The following VENTX variants were observed in gnomAD, a reference collection of about 807,000 sequenced individuals.
VENTX encodes the protein homeobox protein VENTX.
VENTX carries 13 observed loss-of-function variants against 10.5 expected under a neutral mutation model. The ratio of observed to expected loss-of-function variants is 1.23; its 90% confidence interval spans 0.80 to 1.96. The LOEUF is 1.96. Ranked by LOEUF, VENTX falls within the 30% of genes most tolerant of loss-of-function variation. VENTX has a pLI of 0.00. For synonymous variants in VENTX, 177 were observed against 150.4 expected (o/e 1.18, Z -1.29); for missense variants, 400 against 341.8 (o/e 1.17, Z -1.34).
intron 1 of VENTX, 50 bp downstream of exon 1, chr10:133,238,205 G>C (rs774391910): frequency 1.2e-5 from 19 of 1,528,696 alleles, no homozygotes; most frequent in Middle Eastern, 2.0e-4. Flanking sequence ...AGATGGGAGT[G>C]GGGGAGAGGC....
At position 133,238,174 on chromosome 10, in the gene VENTX, G is replaced by GC. The variant is rs773517388; in HGVS notation, c.241+19_241+20insC. ...ATGGCCGGTAGGTCCGGGTGGGGGG[G>GC]GTCCCTTCCTTCCCAGGTGGAGATG... is the stretch of plus-strand genomic sequence containing the variant. On this transcript the variant is annotated intron_variant, in intron 1 of 2. Transcript: ENST00000325980. 1.3e-6 allele frequency: 2 copies of GC among 1,570,870 alleles called. No homozygotes were observed.
intron 1 of VENTX, 87 bp from the exon 2 acceptor site, chr10:133,239,589 C>G: frequency 6.6e-7 from 1 of 1,507,460 alleles, no homozygotes; most frequent in Non-Finnish European, 9.0e-7. Context: ...CAGCCCCCAG[C>G]ATGGCTGTCT....
At chr10:133,239,857 TGGGGTGGGCA>T (rs752569988) in intron 2 of VENTX, 21 bp downstream of exon 2, 172 of 469,680 alleles carry the variant, frequency 3.7e-4, no homozygotes, top group Non-Finnish European at 5.5e-4. Context: ...CCGGGCAGGC[TGGGGTGGGCA>T]GGGGTGGGCA....
At position 133,241,340 on chromosome 10, in the gene VENTX, AC is replaced by A. The variant is rs1845932288; in HGVS notation, c.*1036del. On this transcript the variant is annotated 3_prime_UTR_variant, in exon 3 of 3. Transcript: ENST00000325980. ...GGTCCCCACCCTCCAACACGTGCTCACCTGTCCCCCTGCTCGCAGCAGCCTC... is the reference window on the plus strand; with the variant it reads ...GGTCCCCACCCTCCAACACGTGCTCACTGTCCCCCTGCTCGCAGCAGCCTC... The A allele has an allele frequency of 6.5e-6, 1 of 153,104 alleles. No homozygotes were observed. Among genetic ancestry groups the A allele is most frequent in the Non-Finnish European group, 1.5e-5 (1 of 68,206 alleles). 9.5% of individuals were successfully genotyped at this position (153,104 alleles called of 1,614,324 possible). A position where few individuals can be genotyped will look rare whatever the true frequency, so the allele number is the denominator to read the frequency against.
rs1845926803 is a variant in VENTX, at chr10:133,240,817, A to C, written c.*511A>C. On this transcript the variant is annotated 3_prime_UTR_variant, in exon 3 of 3. Transcript: ENST00000325980. ...CTCGGCCTCCCAAAGTGCTGGGATT[A>C]CAGGCATGAGCCACTGCACCCGGCC... 1 of 152,066 alleles carries C rather than the reference A, an allele frequency of 6.6e-6. No homozygotes were observed. The highest frequency in any genetic ancestry group is 1.5e-5 in the Non-Finnish European group (1 of 68,040). 9.4% of individuals were successfully genotyped at this position (152,066 alleles called of 1,614,324 possible). A position where few individuals can be genotyped will look rare whatever the true frequency, so the allele number is the denominator to read the frequency against.
intron 1 of VENTX, among the ~76,000 whole-genome samples, 194 bp from the exon 2 acceptor site, chr10:133,239,482 C>T (rs140907052): frequency 0.032 from 4,820 of 152,268 alleles, 99 homozygotes; most frequent in South Asian, 0.1. Flanking sequence ...CATTCCCTCC[C>T]CTCTTGAGCC....
chr10:133,240,732 A>T lies in VENTX; in HGVS notation c.*426A>T, dbSNP rs1429927172. 6.6e-6 allele frequency: 1 copy of T among 151,774 alleles called. No homozygotes were observed. Among genetic ancestry groups the T allele is most frequent in the Non-Finnish European group, 1.5e-5 (1 of 67,978 alleles). The allele number at this position is 151,774 out of a possible 1,614,324, so 9.4% of individuals were successfully genotyped here. ...CTAATTTTTTCTATTTTTAGTAGAA[A>T]TGGGGTTTCACCATGTTAGCCAGGC... On this transcript the variant is annotated 3_prime_UTR_variant, in exon 3 of 3. Coordinates refer to ENST00000325980, the MANE Select transcript of VENTX (RefSeq NM_014468.4).
Position 133,239,921 on chromosome 10 carries a change from T to G in VENTX, c.403-11T>G. 2.5e-6 allele frequency: 4 copies of G among 1,610,888 alleles called. No individual in the cohort carries two copies. The South Asian group carries it at 4.4e-5, about 18-fold the overall frequency. ...AGTCTCACCCCTGTTCTGATCTTGCTTTTCCTACAGATAAAAACCTGGTTT... is the reference window on the plus strand; with the variant it reads ...AGTCTCACCCCTGTTCTGATCTTGCGTTTCCTACAGATAAAAACCTGGTTT... On this transcript the variant is annotated splice_polypyrimidine_tract_variant and intron_variant, in intron 2 of 2. Transcript: ENST00000325980.
In VENTX at chr10:133,239,786, C is replaced by G. The variant is rs774865089; in HGVS notation, c.352C>G (p.Pro118Ala). ...GVFQHHQYLS[P>A]LERKRLAREM... ...CTTCCAGCACCACCAGTACCTGAGC[C>G]CTCTGGAGCGGAAGAGGCTGGCCAG... is the stretch of plus-strand genomic sequence containing the variant. Residue 118 changes from proline (P) to alanine (A), a missense_variant, in exon 2 of 3, where the codon CCT (proline) becomes GCT (alanine). Coordinates refer to ENST00000325980, the MANE Select transcript of VENTX (RefSeq NM_014468.4). 4 of 1,611,632 alleles carry G rather than the reference C, an allele frequency of 2.5e-6. No homozygotes were observed. Among genetic ancestry groups the G allele is most frequent in the Non-Finnish European group, 3.4e-6 (4 of 1,179,990 alleles).
At chr10:133,238,822 A>G (rs1308647754) in intron 1 of VENTX, among the ~76,000 whole-genome samples, 1 of 152,214 alleles carries the variant, frequency 6.6e-6, no homozygotes. Context: ...CATCATCTAC[A>G]AGTTTTCATT....
chr10:133,241,921 GC>G lies in VENTX; in HGVS notation c.*1619del. The G allele has an allele frequency of 6.6e-6, 1 of 152,390 alleles. No individual in the cohort carries two copies. Among genetic ancestry groups the G allele is most frequent in the South Asian group, 2.1e-4 (1 of 4,830 alleles). 9.4% of individuals were successfully genotyped at this position (152,390 alleles called of 1,614,324 possible). A position where few individuals can be genotyped will look rare whatever the true frequency, so the allele number is the denominator to read the frequency against. On this transcript the variant is annotated 3_prime_UTR_variant, in exon 3 of 3. Transcript: ENST00000325980. Reference sequence around the variant, plus strand: ...CGTTGTCCGTGATAAAAGTACAAGTGCCCCTCACCGCCCGTGGAGATTGCTT... The same window carrying G: ...CGTTGTCCGTGATAAAAGTACAAGTGCCCTCACCGCCCGTGGAGATTGCTT...
chr10:133,238,453 G>A lies in VENTX; in HGVS notation c.241+298G>A, dbSNP rs561721266. ...CCCCCACCCCGGCCTGGTGCCGAGG[G>A]ACCGTCCAAGGGGTCCCCGTCCGCA... On this transcript the variant is annotated intron_variant, in intron 1 of 2. Coordinates refer to ENST00000325980, the MANE Select transcript of VENTX (RefSeq NM_014468.4). 2.0e-5 allele frequency among the ~76,000 whole-genome samples: 3 copies of A among 152,234 alleles called. No individual in the cohort carries two copies. The South Asian group carries it at 6.2e-4, about 32-fold the overall frequency.
At chr10:133,238,262 C>G (rs1159851042) in intron 1 of VENTX, 107 bp downstream of exon 1, 6 of 1,389,486 alleles carry the variant, frequency 4.3e-6, no homozygotes, top group African/African-American at 2.9e-5. Flanking sequence ...CCCACTAGGT[C>G]AGGGCCGGGG....
At chr10:133,238,258 AGGTC>A in intron 1 of VENTX, 103 bp downstream of exon 1, 1 of 1,389,478 alleles carries the variant, frequency 7.2e-7, no homozygotes, top group Non-Finnish European at 9.4e-7. Flanking sequence ...CCTGCCCACT[AGGTC>A]AGGGCCGGGG....
chr10:133,239,506 C>T (rs546849642), intron 1 of VENTX, among the ~76,000 whole-genome samples, 170 bp from the exon 2 acceptor site: 59 of 152,298 alleles, frequency 3.9e-4, no homozygotes, highest in Admixed American at 7.8e-4. Context: ...TCTCTGAGCC[C>T]CCTTTCCGCA....
At position 133,239,656 on chromosome 10, in the gene VENTX, GCCCTTA is replaced by G; in HGVS notation, c.242-15_242-10del. 1 of 1,610,412 alleles carries G rather than the reference GCCCTTA, an allele frequency of 6.2e-7. No homozygotes were observed. Among genetic ancestry groups the G allele is most frequent in the Non-Finnish European group, 8.5e-7 (1 of 1,179,556 alleles). On this transcript the variant is annotated splice_polypyrimidine_tract_variant and intron_variant, in intron 1 of 2. Coordinates refer to ENST00000325980, the MANE Select transcript of VENTX (RefSeq NM_014468.4). ...CATGGGGTGGCATGTTGAGCCAAAT[GCCCTTA>G]CCCTCTATGTCAGGGTTGAGTAAGG...
In VENTX at chr10:133,240,447, TATATAA is replaced by T; in HGVS notation, c.*147_*152del. 1 of 709,006 alleles carries T rather than the reference TATATAA, an allele frequency of 1.4e-6. No individual in the cohort carries two copies. The highest frequency in any genetic ancestry group is 2.0e-6 in the Non-Finnish European group (1 of 491,756). 43.9% of individuals were successfully genotyped at this position (709,006 alleles called of 1,614,324 possible). On this transcript the variant is annotated 3_prime_UTR_variant, in exon 3 of 3. Transcript: ENST00000325980. The stretch of plus-strand genomic sequence containing the variant: ...AGGTTCTGGAGATTACTGGAGAATA[TATATAA>T]ATATATATATGTACGTATATATGTA...
Position 133,239,746 on chromosome 10 carries a change from C to A in VENTX, c.312C>A (p.Arg104=). 1 of 1,611,248 alleles carries A rather than the reference C, an allele frequency of 6.2e-7. No homozygotes were observed. Among genetic ancestry groups the A allele is most frequent in the African/African-American group, 1.3e-5 (1 of 74,962 alleles). Residue 104 remains arginine (R), a synonymous_variant, in exon 2 of 3, where the codon CGC becomes CGA. Transcript: ENST00000325980. ...VRTAFTMEQV[R]TLEGVFQHHQ... Reference sequence around the variant, plus strand: ...CAGCCTTCACCATGGAGCAGGTCCGCACCTTGGAGGGCGTCTTCCAGCACC... The same window carrying A: ...CAGCCTTCACCATGGAGCAGGTCCGAACCTTGGAGGGCGTCTTCCAGCACC...
chr10:133,240,538 AT>A lies in VENTX; in HGVS notation c.*255del, dbSNP rs869069272. The A allele has an allele frequency of 0.011, 1,358 of 124,080 alleles. 3 individuals are homozygous for A. Among genetic ancestry groups the A allele is most frequent in the Middle Eastern group, 0.022 (5 of 226 alleles). 7.7% of individuals were successfully genotyped at this position (124,080 alleles called of 1,614,324 possible). ...CATATGTGTGTGTATATATATATATATTTTTTTTTTTTTTTTTTTTTTTGAG... is the reference window on the plus strand; with the variant it reads ...CATATGTGTGTGTATATATATATATATTTTTTTTTTTTTTTTTTTTTTGAG... On this transcript the variant is annotated 3_prime_UTR_variant, in exon 3 of 3. Coordinates refer to ENST00000325980, the MANE Select transcript of VENTX (RefSeq NM_014468.4).
Sources: gnomAD v4.1 joint callset for allele counts (sites outside exome capture counted in the v4.1 genomes callset) on GRCh38, gnomAD v4.1.1 for gene constraint, MANE v1.5 for transcripts, NCBI Gene and HGNC (gene_info 2026-07-23, HGNC 2026-07-21) for gene names.